Variants in LTBP4 observed in about 807,000 individuals in gnomAD.
The protein encoded by LTBP4 is latent-transforming growth factor beta-binding protein 4.
In LTBP4, 93 loss-of-function variants were observed where a neutral mutation model predicts 180.2. The ratio of observed to expected loss-of-function variants is 0.52; its 90% CI spans 0.44 to 0.61. The LOEUF is 0.61. Ranked by LOEUF, LTBP4 falls within the 20% of genes least tolerant of loss-of-function variation. LTBP4 has a pLI of 0.00. For synonymous variants in LTBP4, 947 were observed against 934.5 expected, an observed-to-expected ratio of 1.01 and a Z score of -0.24; for missense variants, 2,116 against 2,256.5, an observed-to-expected ratio of 0.94 and a Z score of 1.26.
chr19:40,622,545 C>A lies in LTBP4; in HGVS notation c.3362C>A (p.Ala1121Glu), dbSNP rs1190941664. ...CGCCGGGAGTGCTACTTTGACACAG[C>A]GGCCCCGGATGCATGTGACAACATC... ...SGRRECYFDT[A>E]APDACDNILA... The change falls in exon 23 of 30, where the codon GCG (alanine) becomes GAG (glutamate). Residue 1121 changes from alanine (A) to glutamate (E), a missense_variant. By Grantham distance (107) the Ala-to-Glu change is moderately radical. Transcript: ENST00000396819. The surrounding 1 kb of genome is among the most constrained non-coding windows in gnomAD (Gnocchi z 5.1). 14 of 1,613,702 alleles carry A rather than the reference C, an allele frequency of 8.7e-6. No homozygotes were observed. The highest frequency in any genetic ancestry group is 1.2e-5 in the Non-Finnish European group (14 of 1,179,850).
In LTBP4 at chr19:40,611,152, A is replaced by G. The variant is rs778091234; in HGVS notation, c.1811A>G (p.Asp604Gly). Residue 604 changes from aspartate to glycine, a missense_variant and splice_region_variant, in exon 13 of 30, where the codon GAT (aspartate) becomes GGT (glycine). Asp to Gly is a moderately conservative substitution (Grantham distance 94, BLOSUM62 -1). Around this residue, in one of 5 missense-constraint regions of LTBP4, gnomAD observed 877 missense variants for 873.6 expected, o/e 1.00. Transcript: ENST00000396819. The surrounding 1 kb of genome is among the most constrained non-coding windows in gnomAD (Gnocchi z 4.4). ...QAAPHGASCQ[D>G]VDECTQSPGL... ...ACCCCGGGCCCCCTGCCCTGTGCAG[A>G]TGTGGATGAATGCACCCAGAGCCCA... 6.2e-7 allele frequency: 1 copy of G among 1,611,366 alleles called. No individual in the cohort carries two copies. Among genetic ancestry groups the G allele is most frequent in the Admixed American group, 1.7e-5 (1 of 59,816 alleles).
At chr19:40,597,155 CG>C, upstream of LTBP4, 1 of 870,660 alleles carries the variant, frequency 1.1e-6, no homozygotes, top group East Asian at 3.8e-5. Flanking sequence ...GGGGCGGGGG[CG>C]GGGGCAGGGG....
intron 21 of LTBP4, among the ~76,000 whole-genome samples, chr19:40,619,089 G>A (rs771391289): frequency 3.0e-4 from 45 of 151,830 alleles, no homozygotes; most frequent in Middle Eastern, 3.2e-3. Context: ...GAGAAATGCC[G>A]TCATCTGTTT....
At chr19:40,617,574 G>T (rs760294416) in intron 21 of LTBP4, among the ~76,000 whole-genome samples, 2 of 151,486 alleles carry the variant, frequency 1.3e-5, no homozygotes, top group Admixed American at 6.6e-5. Context: ...AACCCAAGAG[G>T]TGGAGGTTGC....
rs544630995 is a variant in LTBP4, at chr19:40,629,249, G to T, written c.4520-147G>T. The T allele has an allele frequency of 6.1e-6, 6 of 990,744 alleles. No individual in the cohort carries two copies. Among genetic ancestry groups the T allele is most frequent in the South Asian group, 1.4e-5 (1 of 70,094 alleles). 61.4% of individuals were successfully genotyped at this position (990,744 alleles called of 1,614,324 possible). A position where few individuals can be genotyped will look rare whatever the true frequency, so the allele number is the denominator to read the frequency against. On this transcript the variant is annotated intron_variant, in intron 29 of 29. Coordinates refer to ENST00000396819, the MANE Select transcript of LTBP4 (RefSeq NM_001042545.2). This position sits in a 1 kb window ranked among gnomAD's most constrained non-coding sequence, Gnocchi z 4.5. ...CAGTGAGGTTAAGCCACCTGGCCGG[G>T]CTCACACAGTTAGCAGATGGCAGAG...
At position 40,605,937 on chromosome 19, in the gene LTBP4, C is replaced by T. The variant is rs2081586682; in HGVS notation, c.793+106C>T. 2 of 1,257,182 alleles carry T rather than the reference C, an allele frequency of 1.6e-6. No individual in the cohort carries two copies. Among genetic ancestry groups the T allele is most frequent in the Non-Finnish European group, 1.1e-6 (1 of 919,114 alleles). The allele number at this position is 1,257,182 out of a possible 1,614,324, so 77.9% of individuals were successfully genotyped here. On this transcript the variant is annotated intron_variant, in intron 4 of 29. Transcript: ENST00000396819. This position sits in a 1 kb window ranked among gnomAD's most constrained non-coding sequence, Gnocchi z 5.5. ...AAACCCAGTTCACAAATTGTAGCCA[C>T]GCCTACCCCATTGTGGAGGCGACTT...
At position 40,607,119 on chromosome 19, in the gene LTBP4, T is replaced by G. The variant is rs886275203; in HGVS notation, c.992-246T>G. On this transcript the variant is annotated intron_variant, in intron 6 of 29. Coordinates refer to ENST00000396819, the MANE Select transcript of LTBP4 (RefSeq NM_001042545.2). ...CGTCCCCCTCAACGACTCGACTATC[T>G]TCAGATCTTGAGATCCTTCTCAGAG... Among the ~76,000 whole-genome samples the G allele has an allele frequency of 3.3e-5, 5 of 152,116 alleles. No homozygotes were observed. The East Asian group carries it at 7.7e-4, about 23-fold the overall frequency.
rs780577842 is a variant in LTBP4, at chr19:40,611,378, C to T, written c.2037C>T (p.Pro679=). ...ACPAGFRSRG[P]GAPCQDVDEC... Reference sequence around the variant, plus strand: ...CTGCTGGCTTCCGCTCCCGAGGGCCCGGGGCCCCCTGCCAAGGTGAGGGTG... The same window carrying T: ...CTGCTGGCTTCCGCTCCCGAGGGCCTGGGGCCCCCTGCCAAGGTGAGGGTG... Residue 679 remains proline (P), a synonymous_variant, in exon 13 of 30, where the codon CCC becomes CCT. Transcript: ENST00000396819. The surrounding 1 kb of genome is among the most constrained non-coding windows in gnomAD (Gnocchi z 4.4). 1.0e-5 allele frequency: 16 copies of T among 1,606,792 alleles called. No individual in the cohort carries two copies. Among genetic ancestry groups the T allele is most frequent in the South Asian group, 6.6e-5 (6 of 90,862 alleles).
chr19:40,627,751 G>T lies in LTBP4; in HGVS notation c.4413G>T (p.Gly1471=). Residue 1471 remains glycine (G), a synonymous_variant, in exon 29 of 30, where the codon GGG becomes GGT. Coordinates refer to ENST00000396819, the MANE Select transcript of LTBP4 (RefSeq NM_001042545.2). The part of the protein sequence containing the change: ...PYEELEAEEC[G]ILDGCTNGRC... ...AGGAGCTGGAGGCGGAGGAGTGCGG[G>T]ATCCTGGACGGCTGCACCAACGGCC... 6.3e-7 allele frequency: 1 copy of T among 1,595,344 alleles called. No homozygotes were observed.
rs1284591935 is a variant in LTBP4 at position 40,605,988 on chromosome 19, C to T, written c.793+157C>T. Among the ~76,000 whole-genome samples the T allele has an allele frequency of 2.6e-5, 4 of 152,232 alleles. No individual in the cohort carries two copies. The highest frequency in any genetic ancestry group is 9.7e-5 in the African/African-American group (4 of 41,450). On this transcript the variant is annotated intron_variant, in intron 4 of 29. Coordinates refer to ENST00000396819, the MANE Select transcript of LTBP4 (RefSeq NM_001042545.2). This position sits in a 1 kb window ranked among gnomAD's most constrained non-coding sequence, Gnocchi z 5.5. The stretch of plus-strand genomic sequence containing the variant: ...CCAGTCCTGAGCTTTTCATACCGCT[C>T]TGGGACCACCCACCCCATTTTCTGA...
intron 8 of LTBP4, 40 bp downstream of exon 8, chr19:40,608,409 G>A (rs1387573567): frequency 2.1e-5 from 34 of 1,605,312 alleles, no homozygotes; most frequent in Non-Finnish European, 2.9e-5. Flanking sequence ...ATCTTCAAGG[G>A]GCTGCCCCAG....
chr19:40,598,288 C>T (rs1016584201), upstream of LTBP4, among the ~76,000 whole-genome samples: 4 of 152,072 alleles, frequency 2.6e-5, no homozygotes, highest in Admixed American at 2.6e-4. Context: ...CGGGGATCCC[C>T]GAGGCTCCCC....
chr19:40,627,658 G>A (rs780421219), intron 28 of LTBP4, 47 bp from the exon 29 acceptor site: 34 of 1,552,872 alleles, frequency 2.2e-5, no homozygotes, highest in Non-Finnish European at 5.2e-6. Flanking sequence ...GTGGGTAAGG[G>A]GTGAAGGCAG....
Position 40,605,361 on chromosome 19 carries a change from A to G in LTBP4, c.443-44A>G. The G allele has an allele frequency of 6.2e-7, 1 of 1,608,376 alleles. No homozygotes were observed. Among genetic ancestry groups the G allele is most frequent in the Non-Finnish European group, 8.5e-7 (1 of 1,177,052 alleles). On this transcript the variant is annotated intron_variant, in intron 2 of 29. Coordinates refer to ENST00000396819, the MANE Select transcript of LTBP4 (RefSeq NM_001042545.2). This position sits in a 1 kb window ranked among gnomAD's most constrained non-coding sequence, Gnocchi z 5.5. ...CCGCCTTGTCTAGCCCCACCCCGTAAGAACCCGTGTAGACATCCGTTTGCC... is the reference window on the plus strand; with the variant it reads ...CCGCCTTGTCTAGCCCCACCCCGTAGGAACCCGTGTAGACATCCGTTTGCC...
rs1332833159 is a variant in LTBP4, at chr19:40,606,460, C to A, written c.925C>A (p.Arg309Ser). 2 of 1,585,366 alleles carry A rather than the reference C, an allele frequency of 1.3e-6. No individual in the cohort carries two copies. The highest frequency in any genetic ancestry group is 8.6e-7 in the Non-Finnish European group (1 of 1,166,482). ...RCQHGECANT[R>S]GGYTCVCPDG... ...CCAGCACGGCGAGTGTGCAAACACG[C>A]GCGGCGGGTACACGTGTGTGTGCCC... is the stretch of plus-strand genomic sequence containing the variant. The change falls in exon 6 of 30, where the codon CGC becomes AGC. Residue 309 changes from arginine (R) to serine (S), a missense_variant. Coordinates refer to ENST00000396819, the MANE Select transcript of LTBP4 (RefSeq NM_001042545.2).
At chr19:40,628,346 C>A (rs955976099) in intron 29 of LTBP4, among the ~76,000 whole-genome samples, 9 of 152,158 alleles carry the variant, frequency 5.9e-5, no homozygotes, top group Non-Finnish European at 1.0e-4. Context: ...TGAGACCAGC[C>A]TGGCCAATAT....
chr19:40,601,396 C>A lies in LTBP4; in HGVS notation c.9C>A (p.Gly3=). The part of the protein sequence containing the change: MA[G]GVRLLWVSLL... ...AGCGCGGCGCTGCAGCCATGGCGGG[C>A]GGCGTGCGGCTGCTCTGGGTGTCGC... The change falls in exon 1 of 30, where the codon GGC becomes GGA. Residue 3 remains glycine (G), a synonymous_variant. Coordinates refer to ENST00000396819, the MANE Select transcript of LTBP4 (RefSeq NM_001042545.2). The A allele has an allele frequency of 1.5e-6, 2 of 1,293,802 alleles. No individual in the cohort carries two copies. The highest frequency in any genetic ancestry group is 2.0e-6 in the Non-Finnish European group (2 of 1,015,482). 80.1% of individuals were successfully genotyped at this position (1,293,802 alleles called of 1,614,324 possible). A position where few individuals can be genotyped will look rare whatever the true frequency, so the allele number is the denominator to read the frequency against.
At position 40,613,288 on chromosome 19, in the gene LTBP4, G is replaced by T. The variant is rs1277463823; in HGVS notation, c.2431+92G>T. On this transcript the variant is annotated intron_variant, in intron 16 of 29. Transcript: ENST00000396819. The surrounding 1 kb of genome is among the most constrained non-coding windows in gnomAD (Gnocchi z 5.0). ...GGAAAGGTGGAGGCGGGACCAAGGC[G>T]CTGTGGGAGGAGCTTAGAAACCTGG... The T allele has an allele frequency of 1.9e-6, 3 of 1,543,064 alleles. No individual in the cohort carries two copies. The highest frequency in any genetic ancestry group is 2.6e-6 in the Non-Finnish European group (3 of 1,141,336).
chr19:40,627,632 ACGCGCACC>A, intron 28 of LTBP4, 65 bp from the exon 29 acceptor site: 3 of 1,517,974 alleles, frequency 2.0e-6, no homozygotes, highest in Non-Finnish European at 2.7e-6. Flanking sequence ...GGAGCCAAGG[ACGCGCACC>A]CACCGTTGTG....
Sources: allele counts gnomAD v4.1 joint callset (sites outside exome capture counted in the v4.1 genomes callset), GRCh38; gene constraint gnomAD v4.1.1; regional missense constraint gnomAD v4.1.1; non-coding constraint Gnocchi (gnomAD v3.1); transcripts MANE v1.5; gene names NCBI Gene and HGNC (gene_info 2026-07-23, HGNC 2026-07-21).